ATRN: variants seen among roughly 807,000 people sequenced by gnomAD.
The protein encoded by ATRN is attractin.
In ATRN, 54 loss-of-function variants were observed where a neutral mutation model predicts 178.7. The ratio of observed to expected loss-of-function variants is 0.30; its 90% CI spans 0.24 to 0.38. ATRN has a LOEUF of 0.38. Among genes scored for constraint, ATRN ranks in the 10% least tolerant of loss-of-function variants. The pLI, the probability that ATRN is intolerant of heterozygous loss-of-function variation, is 1.00. For missense variants in ATRN, 1,443 were observed against 1,815.1 expected (o/e 0.79, Z 3.73); for synonymous variants, 636 against 663.0 (o/e 0.96, Z 0.63).
intron 24 of ATRN, among the ~76,000 whole-genome samples, chr20:3,605,405 G>T (rs542333015): frequency 2.0e-5 from 3 of 152,334 alleles, no homozygotes; most frequent in South Asian, 2.1e-4. Context: ...CCATTACTGG[G>T]TGTATATCCA....
chr20:3,647,008 C>T lies in ATRN; in HGVS notation c.*161C>T, dbSNP rs1335405626. 22 of 929,812 alleles carry T rather than the reference C, an allele frequency of 2.4e-5. No homozygotes were observed. Among genetic ancestry groups the T allele is most frequent in the South Asian group, 6.2e-5 (3 of 48,014 alleles). 57.6% of individuals were successfully genotyped at this position (929,812 alleles called of 1,614,324 possible). A position where few individuals can be genotyped will look rare whatever the true frequency, so the allele number is the denominator to read the frequency against. On this transcript the variant is annotated 3_prime_UTR_variant, in exon 29 of 29. Transcript: ENST00000262919. ...CTGCATGATCACAAGCTTTCTTTGACGGTTTCTCCCATCCGTGTTCCAGCA... is the reference window on the plus strand; with the variant it reads ...CTGCATGATCACAAGCTTTCTTTGATGGTTTCTCCCATCCGTGTTCCAGCA...
intron 21 of ATRN, among the ~76,000 whole-genome samples, chr20:3,597,035 A>T (rs2086539819): frequency 8.8e-6 from 1 of 114,116 alleles, no homozygotes; most frequent in Non-Finnish European, 1.8e-5. Flanking sequence ...ATTCATGTCC[A>T]CTTGGAACCT....
At chr20:3,474,039 T>C (rs1043967059) in intron 1 of ATRN, among the ~76,000 whole-genome samples, 1 of 152,102 alleles carries the variant, frequency 6.6e-6, no homozygotes, top group Non-Finnish European at 1.5e-5. Flanking sequence ...ATTGCATGCA[T>C]GCTGAGTTTG....
At chr20:3,601,697 C>A (rs1276292864) in intron 23 of ATRN, among the ~76,000 whole-genome samples, 745 of 84,452 alleles carry the variant, frequency 8.8e-3, no homozygotes, top group Middle Eastern at 0.02. Context: ...ACCCTGTCTA[C>A]AAAAAAAAAA....
intron 14 of ATRN, among the ~76,000 whole-genome samples, chr20:3,577,301 A>T (rs2086226233): frequency 1.3e-5 from 2 of 152,234 alleles, no homozygotes; most frequent in South Asian, 4.2e-4. Flanking sequence ...ATAACCTGGG[A>T]CTAGACCATG....
intron 24 of ATRN, among the ~76,000 whole-genome samples, chr20:3,610,567 ATTTT>A (rs35770410): frequency 3.2e-5 from 3 of 93,650 alleles, no homozygotes; most frequent in Non-Finnish European, 4.0e-5. Flanking sequence ...TTCCAGCTGA[ATTTT>A]TTTTTTTTTT....
chr20:3,514,137 A>T (rs1373710490), intron 1 of ATRN, among the ~76,000 whole-genome samples: 1 of 152,148 alleles, frequency 6.6e-6, no homozygotes, highest in African/African-American at 2.4e-5. Context: ...AGCTGTTCCT[A>T]TTCAGCCATC....
chr20:3,477,224 T>C (rs1486852259), intron 1 of ATRN, among the ~76,000 whole-genome samples: 1 of 99,210 alleles, frequency 1.0e-5, no homozygotes, highest in Non-Finnish European at 2.1e-5. Flanking sequence ...TTTAGGCTGA[T>C]CTGTTTTCCC....
At chr20:3,563,513 T>C in intron 10 of ATRN, 150 bp downstream of exon 10, 2 of 791,212 alleles carry the variant, frequency 2.5e-6, no homozygotes, top group South Asian at 2.3e-5. Flanking sequence ...ATTTGACTAA[T>C]GTTACACATC....
rs2087111648 is a variant in ATRN at position 3,646,865 on chromosome 20, C to T, written c.*18C>T. The T allele has an allele frequency of 1.4e-5, 23 of 1,612,458 alleles. No individual in the cohort carries two copies. The highest frequency in any genetic ancestry group is 1.9e-5 in the Non-Finnish European group (22 of 1,179,402). On this transcript the variant is annotated 3_prime_UTR_variant, in exon 29 of 29. Coordinates refer to ENST00000262919, the MANE Select transcript of ATRN (RefSeq NM_139321.3). ...GCATCTGATGCTGGGGCCAGGGACT[C>T]TCCCACGCACGAGCTAGTGAGTGGC...
chr20:3,539,358 G>A (rs1361412708), intron 2 of ATRN, among the ~76,000 whole-genome samples: 1 of 152,148 alleles, frequency 6.6e-6, no homozygotes, highest in Non-Finnish European at 1.5e-5. Context: ...TAGAGGGAGA[G>A]TTGGGATTTG....
At chr20:3,568,744 A>G (rs1388956179) in intron 11 of ATRN, among the ~76,000 whole-genome samples, 1 of 152,166 alleles carries the variant, frequency 6.6e-6, no homozygotes, top group Non-Finnish European at 1.5e-5. Flanking sequence ...ATTTATTAAC[A>G]TTGAGCTCAC....
At chr20:3,598,236 C>T (rs770875824) in intron 22 of ATRN, among the ~76,000 whole-genome samples, 6 of 152,170 alleles carry the variant, frequency 3.9e-5, no homozygotes, top group South Asian at 2.1e-4. Flanking sequence ...ATTGATTCCA[C>T]GCATACTTAC....
chr20:3,614,908 T>C (rs1167871226), intron 24 of ATRN, among the ~76,000 whole-genome samples: 3 of 152,186 alleles, frequency 2.0e-5, no homozygotes, highest in Non-Finnish European at 4.4e-5. Flanking sequence ...AGCATACTGT[T>C]TTCAAGGTTC....
chr20:3,563,805 G>A (rs569146351), intron 10 of ATRN, among the ~76,000 whole-genome samples: 65 of 152,202 alleles, frequency 4.3e-4, no homozygotes, highest in African/African-American at 1.5e-3. Context: ...AATGCATACC[G>A]GATGATCTCT....
chr20:3,551,941 T>C (rs2085793285), intron 6 of ATRN, among the ~76,000 whole-genome samples: 1 of 152,220 alleles, frequency 6.6e-6, no homozygotes, highest in South Asian at 2.1e-4. Context: ...TGGCCACATG[T>C]GGTTATTTCA....
chr20:3,578,537 C>A, intron 14 of ATRN, 45 bp from the exon 15 acceptor site: 2 of 1,521,032 alleles, frequency 1.3e-6, no homozygotes, highest in South Asian at 1.3e-5. Flanking sequence ...GTAGTTTTGT[C>A]TGATTTCTAA....
At chr20:3,492,866 C>CGCGT (rs1437014449) in intron 1 of ATRN, among the ~76,000 whole-genome samples, 4 of 123,602 alleles carry the variant, frequency 3.2e-5, no homozygotes, top group African/African-American at 1.5e-4. Context: ...CGCGCGCGCG[C>CGCGT]GTGCGCACGC....
chr20:3,472,044 C>T (rs1446692832), intron 1 of ATRN, among the ~76,000 whole-genome samples: 4 of 152,094 alleles, frequency 2.6e-5, no homozygotes, highest in African/African-American at 7.2e-5. Flanking sequence ...ATAGAAGGAC[C>T]AGTGGTCCTT....
Sources: allele counts gnomAD v4.1 joint callset (sites outside exome capture counted in the v4.1 genomes callset), GRCh38; gene constraint gnomAD v4.1.1; transcripts MANE v1.5; gene names NCBI Gene and HGNC (gene_info 2026-07-23, HGNC 2026-07-21).